Variants in SYCE2 observed in about 807,000 individuals in gnomAD.
The protein encoded by SYCE2 is synaptonemal complex central element protein 2, also known as central element synaptonemal complex 1.
SYCE2 carries 3 observed loss-of-function variants against 27.9 expected under a neutral mutation model. The observed-to-expected ratio is 0.11, with a 90% CI of 0.05 to 0.28. The LOEUF (loss-of-function observed/expected upper bound fraction) is 0.28, where lower values mean the gene tolerates loss of function less well. SYCE2 is among the 10% of genes least tolerant of loss of function. The pLI is 1.00. For synonymous variants in SYCE2, 85 were observed against 100.7 expected (o/e 0.84, Z 0.93); for missense variants, 207 against 263.5 (o/e 0.79, Z 1.48).
intron 2 of SYCE2, among the ~76,000 whole-genome samples, chr19:12,911,377 C>T (rs1452715261): frequency 1.3e-5 from 2 of 152,184 alleles, no homozygotes; most frequent in African/African-American, 4.8e-5. Flanking sequence ...ACACAGCATA[C>T]AAGGCCTTCC....
At chr19:12,908,426 G>A (rs988646637) in intron 2 of SYCE2, among the ~76,000 whole-genome samples, 54 of 151,886 alleles carry the variant, frequency 3.6e-4, no homozygotes, top group African/African-American at 1.1e-3. Flanking sequence ...CCGGGTTCAC[G>A]CCATTCTCTT....
chr19:12,898,787 A>T lies in SYCE2; in HGVS notation c.*554T>A, dbSNP rs953450495. 28 of 164,576 alleles carry T rather than the reference A, an allele frequency of 1.7e-4. No homozygotes were observed. Among genetic ancestry groups the T allele is most frequent in the Admixed American group, 2.3e-4 (4 of 17,588 alleles). The allele number at this position is 164,576 out of a possible 1,614,324, so 10.2% of individuals were successfully genotyped here. On this transcript the variant is annotated 3_prime_UTR_variant, in exon 6 of 6. Transcript: ENST00000293695. ...ACAGAGTGAGACCCTATCTATATTT[A>T]AAAAAAATAGGTTTGTACTTTAGGA...
intron 3 of SYCE2, among the ~76,000 whole-genome samples, chr19:12,904,125 G>A (rs574750320): frequency 3.1e-4 from 47 of 152,278 alleles, no homozygotes; most frequent in Non-Finnish European, 3.8e-4. Flanking sequence ...AGAGGGCTGC[G>A]TGTTGGAGGC....
At chr19:12,908,209 C>A (rs1305687007) in intron 2 of SYCE2, among the ~76,000 whole-genome samples, 1 of 151,800 alleles carries the variant, frequency 6.6e-6, no homozygotes, top group East Asian at 1.9e-4. Context: ...CTCCCCCAGC[C>A]GGCCACCTCC....
intron 2 of SYCE2, among the ~76,000 whole-genome samples, chr19:12,916,507 C>T (rs1971142596): frequency 6.6e-6 from 1 of 152,208 alleles, no homozygotes; most frequent in South Asian, 2.1e-4. Context: ...GTGACCTCTT[C>T]AGAGTTCTCC....
chr19:12,917,847 CG>C (rs1250533900), intron 2 of SYCE2, among the ~76,000 whole-genome samples: 1 of 151,730 alleles, frequency 6.6e-6, no homozygotes, highest in East Asian at 1.9e-4. Flanking sequence ...TTAGTAGAGA[CG>C]GGGTTTCTCC....
chr19:12,904,346 A>G, intron 3 of SYCE2, 146 bp downstream of exon 3: 1 of 913,292 alleles, frequency 1.1e-6, no homozygotes, highest in Admixed American at 2.4e-5. Flanking sequence ...GTTTATTGGG[A>G]CGTAGCCCCA....
intron 2 of SYCE2, among the ~76,000 whole-genome samples, chr19:12,917,174 C>T (rs756123287): frequency 6.6e-6 from 1 of 151,654 alleles, no homozygotes; most frequent in African/African-American, 2.4e-5. Context: ...AAGCAATTCT[C>T]CTGCCTCAGC....
chr19:12,901,869 G>T (rs923155496), intron 3 of SYCE2, among the ~76,000 whole-genome samples: 3 of 152,064 alleles, frequency 2.0e-5, no homozygotes, highest in African/African-American at 7.2e-5. Flanking sequence ...CCCACCTTCA[G>T]CCTCCCAAAG....
intron 2 of SYCE2, among the ~76,000 whole-genome samples, chr19:12,916,692 C>A (rs1488434328): frequency 6.6e-6 from 1 of 152,218 alleles, no homozygotes; most frequent in Non-Finnish European, 1.5e-5. Flanking sequence ...ACCTCCCAGG[C>A]TCAAGTGGTC....
chr19:12,899,894 C>T, intron 5 of SYCE2, 110 bp downstream of exon 5: 1 of 1,584,076 alleles, frequency 6.3e-7, no homozygotes, highest in Admixed American at 1.7e-5. Context: ...CTCCCTCCCT[C>T]CCATCTGGGG....
intron 5 of SYCE2, 76 bp downstream of exon 5, chr19:12,899,928 G>C (rs918473490): frequency 9.9e-6 from 16 of 1,611,056 alleles, no homozygotes; most frequent in African/African-American, 2.7e-5. Context: ...CTGGGTGTTG[G>C]AGCAGAGTGA....
Position 12,900,441 on chromosome 19 carries a change from C to T in SYCE2, c.495+19G>A, listed in dbSNP as rs138369038. The T allele has an allele frequency of 6.8e-6, 11 of 1,609,358 alleles. No individual in the cohort carries two copies. Among genetic ancestry groups the T allele is most frequent in the Middle Eastern group, 1.9e-4 (1 of 5,166 alleles). Reference sequence around the variant, plus strand: ...GTCCTCTTCCTCAGGCAGCGCCCCCCCTGTGAGTTTACTCATACCTCAGGC... The same window carrying T: ...GTCCTCTTCCTCAGGCAGCGCCCCCTCTGTGAGTTTACTCATACCTCAGGC... On this transcript the variant is annotated intron_variant, in intron 4 of 5. Transcript: ENST00000293695.
At chr19:12,900,177 G>A in intron 4 of SYCE2, 57 bp from the exon 5 acceptor site, 4 of 1,557,008 alleles carry the variant, frequency 2.6e-6, no homozygotes, top group Non-Finnish European at 3.5e-6. Context: ...TGTGGGCAGA[G>A]GGGATGATTT....
chr19:12,916,913 C>T (rs1599644103), intron 2 of SYCE2, among the ~76,000 whole-genome samples: 2 of 152,042 alleles, frequency 1.3e-5, no homozygotes, highest in Non-Finnish European at 2.9e-5. Flanking sequence ...CCACGCCTGG[C>T]TGATTTTTGT....
In SYCE2 at chr19:12,900,136, C is replaced by G. The variant is rs568057721; in HGVS notation, c.496-16G>C. 1.3e-6 allele frequency: 2 copies of G among 1,599,056 alleles called. No homozygotes were observed. The highest frequency in any genetic ancestry group is 3.7e-5 in the Admixed American group (2 of 54,656). On this transcript the variant is annotated splice_polypyrimidine_tract_variant and intron_variant, in intron 4 of 5. Transcript: ENST00000293695. Reference sequence around the variant, plus strand: ...TTAGGCTCTGCTGTAAAAAAGAAACCCAGGTTAGCAGTGCCGGTCTGTGCC... The same window carrying G: ...TTAGGCTCTGCTGTAAAAAAGAAACGCAGGTTAGCAGTGCCGGTCTGTGCC...
rs767887340 is a variant in SYCE2 at position 12,903,037 on chromosome 19, C to CA, written c.306+1454dup. ...TGGGCAACAGAGCGAGACTCTGTCTCAAAAAAAAAAAAAAAAGAAAAAGAA... is the reference window on the plus strand; with the variant it reads ...TGGGCAACAGAGCGAGACTCTGTCTCAAAAAAAAAAAAAAAAAGAAAAAGAA... On this transcript the variant is annotated intron_variant, in intron 3 of 5. Transcript: ENST00000293695. Among the ~76,000 whole-genome samples, 383 of 56,092 alleles carry CA rather than the reference C, an allele frequency of 6.8e-3. 1 individual carries two copies. The highest frequency in any genetic ancestry group is 0.013 in the Middle Eastern group (1 of 80). The allele number at this position is 56,092 out of a possible 152,430, so 36.8% of individuals were successfully genotyped here. A position where few individuals can be genotyped will look rare whatever the true frequency, so the allele number is the denominator to read the frequency against.
chr19:12,916,981 C>G (rs57694291), intron 2 of SYCE2, among the ~76,000 whole-genome samples: 1 of 152,042 alleles, frequency 6.6e-6, no homozygotes, highest in African/African-American at 2.4e-5. Context: ...AAATCCTGAC[C>G]TCAAGTTATC....
intron 2 of SYCE2, among the ~76,000 whole-genome samples, chr19:12,917,659 C>CTTTTTT (rs71168635): frequency 1.5e-4 from 12 of 79,404 alleles, no homozygotes; most frequent in Admixed American, 6.4e-4. Flanking sequence ...CCATTCCTGG[C>CTTTTTT]TTTTTTTTTT....
Sources: gnomAD v4.1 joint callset for allele counts (sites outside exome capture counted in the v4.1 genomes callset) on GRCh38, gnomAD v4.1.1 for gene constraint, MANE v1.5 for transcripts, NCBI Gene and HGNC (gene_info 2026-07-23, HGNC 2026-07-21) for gene names.